LYSMD2: variants seen among roughly 807,000 people sequenced by gnomAD.
The protein encoded by LYSMD2 is LysM domain containing 2.
LYSMD2 carries 6 observed loss-of-function variants against 17.7 expected under a neutral mutation model. The observed-to-expected ratio is 0.34, with a 90% confidence interval of 0.19 to 0.67. The LOEUF is 0.67. Among genes scored for constraint, LYSMD2 ranks in the 30% least tolerant of loss-of-function variants. The pLI, the probability that LYSMD2 is intolerant of heterozygous loss-of-function variation, is 0.69. For missense variants in LYSMD2, 237 were observed against 286.7 expected, an observed-to-expected ratio of 0.83 and a Z score of 1.25; for synonymous variants, 102 against 129.8, an observed-to-expected ratio of 0.79 and a Z score of 1.45.
upstream of LYSMD2, among the ~76,000 whole-genome samples, chr15:51,740,739 C>T (rs544736634): frequency 3.3e-5 from 5 of 151,392 alleles, no homozygotes; most frequent in Non-Finnish European, 7.4e-5. Flanking sequence ...ACCAAAAATA[C>T]CTAGGAATAA....
chr15:51,727,217 G>A (rs972396645), intron 1 of LYSMD2, among the ~76,000 whole-genome samples: 1 of 152,130 alleles, frequency 6.6e-6, no homozygotes, highest in Non-Finnish European at 1.5e-5. Flanking sequence ...CTCTTCTTGG[G>A]CTTATTCTAA....
At chr15:51,727,863 C>T (rs868494594) in intron 1 of LYSMD2, among the ~76,000 whole-genome samples, 2 of 152,188 alleles carry the variant, frequency 1.3e-5, no homozygotes, top group African/African-American at 2.4e-5. Flanking sequence ...CAAGATGACA[C>T]ACAAGATGAC....
At chr15:51,737,752 G>A, upstream of LYSMD2, 1 of 692,352 alleles carries the variant, frequency 1.4e-6, no homozygotes, top group Admixed American at 4.7e-5. This position sits in a 1 kb window ranked among gnomAD's most constrained non-coding sequence, Gnocchi z 4.2. Flanking sequence ...CGGCGGACGG[G>A]AAGCCGAGGC....
At chr15:51,724,681 A>T in intron 2 of LYSMD2, 109 bp downstream of exon 2, 1 of 600,012 alleles carries the variant, frequency 1.7e-6, no homozygotes. Context: ...TCAGAAAGAA[A>T]GAAAAGAAAA....
In LYSMD2 at chr15:51,730,610, G is replaced by A. The variant is rs190108942; in HGVS notation, c.274-5489C>T. The stretch of plus-strand genomic sequence containing the variant: ...CCAGAAGATACCTTAAGAGCAGGCT[G>A]CTGAGTAAGGTCAAGAACTCTTCCC... On this transcript the variant is annotated intron_variant, in intron 1 of 2. Transcript: ENST00000267838. 1.7e-4 allele frequency among the ~76,000 whole-genome samples: 26 copies of A among 152,338 alleles called. No homozygotes were observed. The East Asian group carries it at 5.0e-3, about 29-fold the overall frequency.
chr15:51,724,980 C>T lies in LYSMD2; in HGVS notation c.415G>A (p.Ala139Thr). Residue 139 changes from alanine (A) to threonine (T), a missense_variant, in exon 2 of 3, where the codon GCT becomes ACT. Transcript: ENST00000267838. ...TCTTCCTGAGAAAAACTGTTATCAGCAGTTTCATTTTCTGGAGAATCAATG... is the reference window on the plus strand; with the variant it reads ...TCTTCCTGAGAAAAACTGTTATCAGTAGTTTCATTTTCTGGAGAATCAATG... ...NSIDSPENET[A>T]DNSFSQEEEP... is the part of the protein sequence containing the mutation. 1 of 1,614,162 alleles carries T rather than the reference C, an allele frequency of 6.2e-7. No individual in the cohort carries two copies. Among genetic ancestry groups the T allele is most frequent in the Non-Finnish European group, 8.5e-7 (1 of 1,180,000 alleles).
intron 1 of LYSMD2, among the ~76,000 whole-genome samples, chr15:51,726,592 G>A (rs920100779): frequency 2.6e-5 from 4 of 152,196 alleles, no homozygotes; most frequent in Non-Finnish European, 5.9e-5. Flanking sequence ...GTTCTCTACT[G>A]CTTTCTGCTG....
intron 1 of LYSMD2, among the ~76,000 whole-genome samples, chr15:51,744,893 G>A (rs1482633057): frequency 2.0e-5 from 3 of 152,018 alleles, no homozygotes; most frequent in Non-Finnish European, 4.4e-5. Context: ...AGAAAAAAAA[G>A]AGAAGATTCA....
chr15:51,727,662 G>A (rs1380770536), intron 1 of LYSMD2, among the ~76,000 whole-genome samples: 1 of 152,240 alleles, frequency 6.6e-6, no homozygotes, highest in African/African-American at 2.4e-5. Context: ...GACAGACTCA[G>A]AGGCTGTGTG....
intron 1 of LYSMD2, among the ~76,000 whole-genome samples, chr15:51,749,540 C>T (rs549942165): frequency 6.6e-6 from 1 of 152,298 alleles, no homozygotes; most frequent in East Asian, 1.9e-4. Flanking sequence ...ATACTCTATT[C>T]GTTTTATCAC....
upstream of LYSMD2, among the ~76,000 whole-genome samples, chr15:51,739,750 G>A (rs1378891): frequency 0.015 from 2,214 of 152,200 alleles, 78 homozygotes; most frequent in East Asian, 0.071. Flanking sequence ...GCAACATAGT[G>A]AGACCCATCT....
intron 1 of LYSMD2, among the ~76,000 whole-genome samples, chr15:51,748,468 T>G (rs994802006): frequency 6.6e-6 from 1 of 152,168 alleles, no homozygotes; most frequent in Admixed American, 6.5e-5. Context: ...TAGGAAGCAG[T>G]CTTTCAGTCC....
At chr15:51,737,901 A>T (rs1355661795), upstream of LYSMD2, 5 of 238,464 alleles carry the variant, frequency 2.1e-5, no homozygotes, top group Admixed American at 1.1e-4. The surrounding 1 kb of genome is among the most constrained non-coding windows in gnomAD (Gnocchi z 4.2). Flanking sequence ...AAGACCCTGC[A>T]GAGCGAGGGA....
At chr15:51,734,216 A>T (rs142905206) in intron 1 of LYSMD2, among the ~76,000 whole-genome samples, 5 of 151,544 alleles carry the variant, frequency 3.3e-5, no homozygotes, top group African/African-American at 1.2e-4. Context: ...CAAAACAGAG[A>T]CTCCTAGACT....
At chr15:51,728,154 G>A (rs1360719757) in intron 1 of LYSMD2, among the ~76,000 whole-genome samples, 2 of 152,182 alleles carry the variant, frequency 1.3e-5, no homozygotes, top group African/African-American at 4.8e-5. Flanking sequence ...TATGGGCTGG[G>A]CGCAGTGGCT....
intron 1 of LYSMD2, among the ~76,000 whole-genome samples, chr15:51,726,214 A>G (rs556498303): frequency 1.3e-5 from 2 of 152,224 alleles, no homozygotes; most frequent in Non-Finnish European, 2.9e-5. Context: ...TAAGGGGAGA[A>G]AGAGAACATA....
Position 51,737,623 on chromosome 15 carries a change from G to T in LYSMD2, c.-1C>A. On this transcript the variant is annotated 5_prime_UTR_variant, in exon 1 of 3. Transcript: ENST00000267838. This position sits in a 1 kb window ranked among gnomAD's most constrained non-coding sequence, Gnocchi z 4.2. ...ACAGTGCGGGCGAGGAATCCGCCATGGGTCCTGCCGAGGCCGCCGGGTCGG... is the reference window on the plus strand; with the variant it reads ...ACAGTGCGGGCGAGGAATCCGCCATTGGTCCTGCCGAGGCCGCCGGGTCGG... The T allele has an allele frequency of 2.5e-6, 3 of 1,205,956 alleles. No homozygotes were observed. Among genetic ancestry groups the T allele is most frequent in the South Asian group, 4.1e-5 (1 of 24,162 alleles). The allele number at this position is 1,205,956 out of a possible 1,614,324, so 74.7% of individuals were successfully genotyped here. A position where few individuals can be genotyped will look rare whatever the true frequency, so the allele number is the denominator to read the frequency against.
chr15:51,747,320 C>T (rs1389556563), intron 1 of LYSMD2, among the ~76,000 whole-genome samples: 1 of 151,284 alleles, frequency 6.6e-6, no homozygotes, highest in Non-Finnish European at 1.5e-5. Context: ...GGAGAAACCC[C>T]ATCTCTACTA....
intron 1 of LYSMD2, among the ~76,000 whole-genome samples, chr15:51,750,829 G>A (rs2055695474): frequency 6.6e-6 from 1 of 152,112 alleles, no homozygotes; most frequent in African/African-American, 2.4e-5. Context: ...TGAAGTGAAC[G>A]GGCTCAACGA....
Sources: gnomAD v4.1 joint callset for allele counts (sites outside exome capture counted in the v4.1 genomes callset) on GRCh38, gnomAD v4.1.1 for gene constraint, Gnocchi (gnomAD v3.1) non-coding constraint, MANE v1.5 for transcripts, NCBI Gene and HGNC (gene_info 2026-07-23, HGNC 2026-07-21) for gene names.